CMPK2: variants seen among roughly 807,000 people sequenced by gnomAD.
CMPK2 encodes UMP-CMP kinase 2, mitochondrial.
In CMPK2, 32 loss-of-function variants were observed where a neutral mutation model predicts 33.4. The ratio of observed to expected loss-of-function variants is 0.96; its 90% CI spans 0.72 to 1.29. The LOEUF (loss-of-function observed/expected upper bound fraction) is 1.29. Among genes scored for constraint, CMPK2 ranks in the 50% most tolerant of loss-of-function variants. The pLI is 0.00. For synonymous variants in CMPK2, 299 were observed against 275.3 expected (o/e 1.09, Z -0.85); for missense variants, 672 against 616.0 (o/e 1.09, Z -0.96).
At chr2:6,859,369 A>G (rs1432758899) in intron 3 of CMPK2, among the ~76,000 whole-genome samples, 2 of 152,232 alleles carry the variant, frequency 1.3e-5, no homozygotes, top group Non-Finnish European at 2.9e-5. Flanking sequence ...AATCACCAAG[A>G]CAATGGGGAA....
upstream of CMPK2, chr2:6,865,953 G>T (rs1182424822): frequency 3.2e-6 from 4 of 1,250,980 alleles, no homozygotes; most frequent in Admixed American, 1.0e-4. Flanking sequence ...TGGCCCCGGG[G>T]CCCCAGGTGC....
chr2:6,859,905 G>C (rs950454650), intron 3 of CMPK2, among the ~76,000 whole-genome samples: 6 of 152,194 alleles, frequency 3.9e-5, no homozygotes, highest in African/African-American at 1.4e-4. Flanking sequence ...AAAAGCTGCA[G>C]ACAACACCAG....
intron 3 of CMPK2, among the ~76,000 whole-genome samples, chr2:6,860,796 A>T (rs1246081839): frequency 6.6e-6 from 1 of 152,216 alleles, no homozygotes; most frequent in East Asian, 1.9e-4. Context: ...AAGCCAATGA[A>T]CAAATAAATG....
downstream of CMPK2, among the ~76,000 whole-genome samples, chr2:6,844,351 G>T (rs1662304799): frequency 6.6e-6 from 1 of 152,124 alleles, no homozygotes; most frequent in South Asian, 2.1e-4. Context: ...TGATATCGGG[G>T]CTGCCTGGGT....
In CMPK2 at chr2:6,865,268, C is replaced by T; in HGVS notation, c.429G>A (p.Arg143=). The part of the protein sequence containing the change: ...LRDPLDDPDT[R]QALLELLGAC... ...CGCCCAGCAGCTCGAGCAGCGCTTG[C>T]CGGGTGTCAGGGTCATCCAGGGGGT... The change falls in exon 1 of 5, where the codon CGG becomes CGA. Residue 143 remains arginine (R), a synonymous_variant. Transcript: ENST00000256722. 6.5e-7 allele frequency: 1 copy of T among 1,537,400 alleles called. No homozygotes were observed. The highest frequency in any genetic ancestry group is 2.5e-5 in the East Asian group (1 of 39,442).
Position 6,865,301 on chromosome 2 carries a change from C to G in CMPK2, c.396G>C (p.Leu132=). 1 of 1,523,796 alleles carries G rather than the reference C, an allele frequency of 6.6e-7. No individual in the cohort carries two copies. Among genetic ancestry groups the G allele is most frequent in the Non-Finnish European group, 8.7e-7 (1 of 1,143,674 alleles). The allele number at this position is 1,523,796 out of a possible 1,614,324, so 94.4% of individuals were successfully genotyped here. A position where few individuals can be genotyped will look rare whatever the true frequency, so the allele number is the denominator to read the frequency against. Residue 132 remains leucine (L), a synonymous_variant, in exon 1 of 5, where the codon CTG becomes CTC. Transcript: ENST00000256722. ...CAGGGTCATCCAGGGGGTCGCGCAG[C>G]AGGAAGCCTTGCTGTGCGCCGCCGG... ...GQAGGAQQGF[L]LRDPLDDPDT...
Position 6,865,220 on chromosome 2 carries a change from C to T in CMPK2, c.477G>A (p.Pro159=). 3 of 1,534,908 alleles carry T rather than the reference C, an allele frequency of 2.0e-6. No homozygotes were observed. The highest frequency in any genetic ancestry group is 2.6e-6 in the Non-Finnish European group (3 of 1,146,318). Residue 159 remains proline, a synonymous_variant, in exon 1 of 5, where the codon CCG becomes CCA. Coordinates refer to ENST00000256722, the MANE Select transcript of CMPK2 (RefSeq NM_207315.4). ...GGTCGGCCTCGAACTCGCCCAAGTG[C>T]GGGCGTGGTGCCTCCTGACAGGCGC... ...LLGACQEAPR[P]HLGEFEADPR...
Position 6,865,630 on chromosome 2 carries a change from A to G in CMPK2, c.67T>C (p.Cys23Arg). ...CGCGGCGGAGCCATGGCCCCAGCGC[A>G]GACCCCGCGCCGCCCGAGCAGCGGC... ...SGPLLGRRGV[C>R]AGAMAPPRRF... Residue 23 changes from cysteine (C) to arginine (R), a missense_variant, in exon 1 of 5, where the codon TGC becomes CGC. Physicochemically the swap from Cys to Arg is radical, Grantham distance 180 (BLOSUM62 -3). Transcript: ENST00000256722. The G allele has an allele frequency of 1.5e-6, 2 of 1,366,870 alleles. No individual in the cohort carries two copies. Among genetic ancestry groups the G allele is most frequent in the Non-Finnish European group, 1.9e-6 (2 of 1,062,376 alleles). The allele number at this position is 1,366,870 out of a possible 1,614,324, so 84.7% of individuals were successfully genotyped here.
downstream of CMPK2, among the ~76,000 whole-genome samples, chr2:6,843,525 G>A (rs1161825642): frequency 6.6e-6 from 1 of 152,106 alleles, no homozygotes; most frequent in South Asian, 2.1e-4. Context: ...GGATCCTTAA[G>A]GTGAATCTGG....
chr2:6,850,546 C>T (rs1487254472), intron 4 of CMPK2: 1 of 167,142 alleles, frequency 6.0e-6, no homozygotes, highest in Non-Finnish European at 1.2e-5. Flanking sequence ...CGTCTGCATT[C>T]ACAACTCTGC....
chr2:6,841,919 C>T (rs1662243062), intron 3 of CMPK2, among the ~76,000 whole-genome samples: 2 of 152,140 alleles, frequency 1.3e-5, no homozygotes, highest in Non-Finnish European at 2.9e-5. Context: ...CAAATAGCGG[C>T]ATGAGCATGA....
chr2:6,845,899 G>C (rs1662347809), downstream of CMPK2, among the ~76,000 whole-genome samples: 2 of 152,088 alleles, frequency 1.3e-5, no homozygotes, highest in African/African-American at 2.4e-5. Flanking sequence ...CTTTGATGGG[G>C]AGAGTATTGA....
chr2:6,851,287 G>A (rs1000582875), intron 4 of CMPK2, 163 bp downstream of exon 4: 13 of 1,462,232 alleles, frequency 8.9e-6, no homozygotes, highest in Non-Finnish European at 1.2e-5. Context: ...GCCCTGTGGT[G>A]ACAAGCCCAT....
intron 4 of CMPK2, chr2:6,850,850 G>A (rs1453298414): frequency 1.0e-6 from 1 of 988,152 alleles, no homozygotes; most frequent in Admixed American, 5.9e-5. Context: ...TCAGTCATGA[G>A]GCAGGAGGCC....
intron 3 of CMPK2, among the ~76,000 whole-genome samples, chr2:6,856,728 T>C (rs755298035): frequency 2.0e-5 from 3 of 152,234 alleles, no homozygotes; most frequent in African/African-American, 4.8e-5. Context: ...CTCTCTACTC[T>C]TTGCAGTATG....
downstream of CMPK2, among the ~76,000 whole-genome samples, chr2:6,843,896 C>T (rs968784519): frequency 5.9e-5 from 9 of 152,188 alleles, no homozygotes; most frequent in East Asian, 1.9e-4. Context: ...CTCCTTTCTA[C>T]GTCCAGAATC....
chr2:6,849,158 T>C lies in CMPK2; in HGVS notation c.*692A>G. 1.0e-6 allele frequency: 1 copy of C among 984,384 alleles called. No individual in the cohort carries two copies. Among genetic ancestry groups the C allele is most frequent in the Non-Finnish European group, 1.2e-6 (1 of 829,244 alleles). The allele number at this position is 984,384 out of a possible 1,614,324, so 61.0% of individuals were successfully genotyped here. ...TAAGCAAAATATAATTCAGAGAAGG[T>C]TGGTATATTTGCAGTTGGAGCATCT... On this transcript the variant is annotated 3_prime_UTR_variant, in exon 5 of 5. Transcript: ENST00000256722.
At chr2:6,856,000 G>A (rs1662695174) in intron 3 of CMPK2, among the ~76,000 whole-genome samples, 2 of 152,188 alleles carry the variant, frequency 1.3e-5, no homozygotes, top group South Asian at 2.1e-4. Flanking sequence ...TTAAAGCCTG[G>A]TAATACTAAT....
chr2:6,855,015 A>G (rs1662642518), intron 3 of CMPK2, among the ~76,000 whole-genome samples: 1 of 152,054 alleles, frequency 6.6e-6, no homozygotes, highest in African/African-American at 2.4e-5. Context: ...TCTCTTGGAA[A>G]TAAAGGGGAC....
Sources: gnomAD v4.1 joint callset for allele counts (sites outside exome capture counted in the v4.1 genomes callset) on GRCh38, gnomAD v4.1.1 for gene constraint, MANE v1.5 for transcripts, NCBI Gene and HGNC (gene_info 2026-07-23, HGNC 2026-07-21) for gene names.